ALDH1L1: variants seen among roughly 807,000 people sequenced by gnomAD.
ALDH1L1 encodes the protein cytosolic 10-formyltetrahydrofolate dehydrogenase.
A neutral mutation model predicts 101.1 loss-of-function variants in ALDH1L1; 68 were observed. The ratio of observed to expected loss-of-function variants is 0.67; its 90% CI spans 0.55 to 0.82. The LOEUF is 0.82. Among genes scored for constraint, ALDH1L1 ranks in the 40% least tolerant of loss-of-function variants. The pLI is 0.00. For missense variants in ALDH1L1, 1,087 were observed against 1,172.7 expected, an observed-to-expected ratio of 0.93 and a Z score of 1.07; for synonymous variants, 486 against 470.8, an observed-to-expected ratio of 1.03 and a Z score of -0.42.
chr3:126,193,569 G>A (rs2081565531), intron 1 of ALDH1L1, among the ~76,000 whole-genome samples: 1 of 152,156 alleles, frequency 6.6e-6, no homozygotes, highest in Non-Finnish European at 1.5e-5. Context: ...GTCATTCAAA[G>A]CTTACAGTGT....
chr3:126,157,603 C>T (rs2080941387), intron 3 of ALDH1L1, 95 bp from the exon 4 acceptor site: 1 of 1,400,248 alleles, frequency 7.1e-7, no homozygotes, highest in East Asian at 2.3e-5. Flanking sequence ...CTCCAGGAGG[C>T]CCTCTCTTCC....
intron 12 of ALDH1L1, among the ~76,000 whole-genome samples, chr3:126,133,231 C>T (rs1437274595): frequency 1.3e-5 from 2 of 152,184 alleles, no homozygotes; most frequent in Admixed American, 1.3e-4. Context: ...CAGTTGTTGC[C>T]CATTGATAAA....
intron 1 of ALDH1L1, among the ~76,000 whole-genome samples, chr3:126,194,378 C>T (rs1370226344): frequency 6.6e-6 from 1 of 152,126 alleles, no homozygotes; most frequent in Non-Finnish European, 1.5e-5. Flanking sequence ...TCTGTAGCAT[C>T]CCAAAGTTAA....
intron 17 of ALDH1L1, among the ~76,000 whole-genome samples, chr3:126,116,970 G>A (rs2079982503): frequency 6.6e-6 from 1 of 152,232 alleles, no homozygotes; most frequent in African/African-American, 2.4e-5. Flanking sequence ...CATAGAAATA[G>A]AATGAAAGCT....
intron 1 of ALDH1L1, among the ~76,000 whole-genome samples, chr3:126,165,534 T>G (rs1162549995): frequency 1.3e-5 from 2 of 152,200 alleles, no homozygotes; most frequent in Non-Finnish European, 2.9e-5. Flanking sequence ...TATAATTCAG[T>G]GTGAATCCAT....
At chr3:126,189,846 T>TGGCC (rs1339108022) in intron 1 of ALDH1L1, among the ~76,000 whole-genome samples, 1 of 152,174 alleles carries the variant, frequency 6.6e-6, no homozygotes, top group Non-Finnish European at 1.5e-5. Flanking sequence ...TGAATCTGAT[T>TGGCC]CCCCGCAAAG....
chr3:126,145,198 A>G (rs756817714), intron 9 of ALDH1L1, among the ~76,000 whole-genome samples: 1 of 152,352 alleles, frequency 6.6e-6, no homozygotes. Flanking sequence ...GAAGGAAGAT[A>G]GGAATGAAAG....
In ALDH1L1 at chr3:126,103,679, G is replaced by T. The variant is rs1576397759; in HGVS notation, c.*112C>A. On this transcript the variant is annotated 3_prime_UTR_variant, in exon 23 of 23. Transcript: ENST00000393434. ...AGATGCAGACATGGTGTGCAGGCAG[G>T]AGGGCTTCCACTAGCCCCCCAGGTG... The T allele has an allele frequency of 8.7e-7, 1 of 1,146,410 alleles. No individual in the cohort carries two copies. 71.0% of individuals were successfully genotyped at this position (1,146,410 alleles called of 1,614,324 possible). A position where few individuals can be genotyped will look rare whatever the true frequency, so the allele number is the denominator to read the frequency against.
chr3:126,124,934 A>G (rs928862071), intron 15 of ALDH1L1, among the ~76,000 whole-genome samples: 8 of 152,166 alleles, frequency 5.3e-5, no homozygotes, highest in African/African-American at 1.9e-4. Flanking sequence ...CCGCGAAATT[A>G]CCCCAAAGAA....
intron 12 of ALDH1L1, among the ~76,000 whole-genome samples, chr3:126,134,126 G>C (rs1173809980): frequency 6.6e-6 from 1 of 152,130 alleles, no homozygotes; most frequent in Non-Finnish European, 1.5e-5. Flanking sequence ...CATTTATCTG[G>C]GAGCTCCTGA....
At chr3:126,158,763 A>C in intron 2 of ALDH1L1, 124 bp from the exon 3 acceptor site, 1 of 890,350 alleles carries the variant, frequency 1.1e-6, no homozygotes. Context: ...CCCACACCCC[A>C]GCCAGGCTCC....
chr3:126,136,456 C>T (rs1332893742), intron 11 of ALDH1L1, among the ~76,000 whole-genome samples: 1 of 152,130 alleles, frequency 6.6e-6, no homozygotes, highest in African/African-American at 2.4e-5. Flanking sequence ...GGGGCTACTG[C>T]TGAAGTGTGC....
intron 16 of ALDH1L1, among the ~76,000 whole-genome samples, chr3:126,119,399 T>G (rs550911340): frequency 2.0e-5 from 3 of 152,334 alleles, no homozygotes; most frequent in Admixed American, 1.3e-4. Context: ...TCCATTTCAG[T>G]AAACAACTTC....
chr3:126,188,520 A>G (rs1378800087), intron 1 of ALDH1L1, among the ~76,000 whole-genome samples: 1 of 152,174 alleles, frequency 6.6e-6, no homozygotes, highest in Non-Finnish European at 1.5e-5. Flanking sequence ...CTTTCTCCAA[A>G]TCAGTAGCCT....
rs769205536 is a variant in ALDH1L1, at chr3:126,157,495, C to T, written c.376G>A (p.Gly126Arg). 1.7e-5 allele frequency: 27 copies of T among 1,613,660 alleles called. No homozygotes were observed. Among genetic ancestry groups the T allele is most frequent in the Admixed American group, 3.3e-5 (2 of 59,976 alleles). Residue 126 changes from glycine to arginine, a missense_variant, in exon 4 of 23, where the codon GGA becomes AGA. Physicochemically the swap from Gly to Arg is moderately radical, Grantham distance 125 (BLOSUM62 -2). This residue lies in a region of ALDH1L1 where 645 missense variants were observed against 637.0 expected (regional missense o/e 1.01). Transcript: ENST00000393434. ...ATGGAAAACCCCCCTTTCTTATCTCCGTGAATGAGGGTCCTAGGAAGCAGA... is the reference window on the plus strand; with the variant it reads ...ATGGAAAACCCCCCTTTCTTATCTCTGTGAATGAGGGTCCTAGGAAGCAGA... ...ASAINWTLIH[G>R]DKKGGFSIFW...
At chr3:126,111,078 C>T (rs921008237) in intron 19 of ALDH1L1, among the ~76,000 whole-genome samples, 4 of 152,234 alleles carry the variant, frequency 2.6e-5, no homozygotes, top group Admixed American at 6.5e-5. Context: ...CCAGTAGTCC[C>T]TGGGTCTGTA....
chr3:126,169,900 G>A (rs998657913), intron 1 of ALDH1L1, among the ~76,000 whole-genome samples: 1 of 152,096 alleles, frequency 6.6e-6, no homozygotes, highest in Non-Finnish European at 1.5e-5. Context: ...CACACCTGTT[G>A]TTAAATTCTA....
intron 19 of ALDH1L1, among the ~76,000 whole-genome samples, chr3:126,112,269 C>T (rs918834078): frequency 6.6e-6 from 1 of 152,182 alleles, no homozygotes; most frequent in African/African-American, 2.4e-5. Flanking sequence ...AGCTACTCTC[C>T]CCTGCTGGCG....
chr3:126,157,157 C>A (rs981576417), intron 4 of ALDH1L1, among the ~76,000 whole-genome samples, 186 bp downstream of exon 4: 7 of 152,120 alleles, frequency 4.6e-5, no homozygotes, highest in African/African-American at 1.7e-4. Flanking sequence ...GCAAGATTCC[C>A]TCCTAATACA....
Sources: gnomAD v4.1 joint callset for allele counts (sites outside exome capture counted in the v4.1 genomes callset) on GRCh38, gnomAD v4.1.1 for gene constraint, gnomAD v4.1.1 regional missense constraint, MANE v1.5 for transcripts, NCBI Gene and HGNC (gene_info 2026-07-23, HGNC 2026-07-21) for gene names.